The following GABRB3 variants were observed in gnomAD, a reference collection of about 807,000 sequenced individuals.
The protein encoded by GABRB3 is gamma-aminobutyric acid receptor subunit beta-3.
In GABRB3, 14 loss-of-function variants were observed where a neutral mutation model predicts 52.1. The ratio of observed to expected loss-of-function variants is 0.27; its 90% CI spans 0.18 to 0.42. The LOEUF is 0.42. Among genes scored for constraint, GABRB3 ranks in the 10% least tolerant of loss-of-function variants. The pLI, the probability that GABRB3 is intolerant of heterozygous loss-of-function variation, is 1.00. For synonymous variants in GABRB3, 260 were observed against 232.3 expected (o/e 1.12, Z -1.08); for missense variants, 307 against 609.1 (o/e 0.50, Z 5.22).
chr15:26,772,621 G>A, intron 2 of GABRB3, 60 bp downstream of exon 2: 1 of 1,464,128 alleles, frequency 6.8e-7, no homozygotes, highest in Non-Finnish European at 9.2e-7. Flanking sequence ...GCCTCCCTCC[G>A]CCCAGGCCGC....
chr15:26,572,906 G>A (rs1283679595), intron 6 of GABRB3, among the ~76,000 whole-genome samples: 3 of 152,246 alleles, frequency 2.0e-5, no homozygotes, highest in African/African-American at 7.2e-5. Context: ...TGCTGATCCC[G>A]GCCCTTTCTC....
At chr15:26,719,587 A>G (rs1266937687) in intron 3 of GABRB3, among the ~76,000 whole-genome samples, 1 of 152,232 alleles carries the variant, frequency 6.6e-6, no homozygotes, top group East Asian at 1.9e-4. Context: ...ATTTATTATC[A>G]TTCAAGCACA....
intron 3 of GABRB3, among the ~76,000 whole-genome samples, chr15:26,722,698 G>A (rs1018184884): frequency 3.3e-5 from 5 of 152,174 alleles, no homozygotes; most frequent in Non-Finnish European, 5.9e-5. Context: ...CATTCATTCA[G>A]GAATACCATG....
At chr15:26,765,153 C>T (rs1266741223) in intron 3 of GABRB3, among the ~76,000 whole-genome samples, 1 of 121,870 alleles carries the variant, frequency 8.2e-6, no homozygotes, top group Non-Finnish European at 1.7e-5. Flanking sequence ...AAAGTCAAAA[C>T]TTCCCTATAA....
At chr15:26,751,080 CA>C (rs1382273774) in intron 3 of GABRB3, among the ~76,000 whole-genome samples, 3 of 151,918 alleles carry the variant, frequency 2.0e-5, no homozygotes, top group African/African-American at 7.3e-5. Flanking sequence ...TTCCAGATAA[CA>C]AAAGATTGAA....
intron 4 of GABRB3, chr15:26,613,220 G>C (rs1175963463): frequency 6.6e-6 from 1 of 152,404 alleles, no homozygotes; most frequent in Non-Finnish European, 1.5e-5. Flanking sequence ...AGAGCAGCCT[G>C]GTCAACATAG....
At chr15:26,659,935 C>A (rs1265376872) in intron 3 of GABRB3, among the ~76,000 whole-genome samples, 1 of 152,028 alleles carries the variant, frequency 6.6e-6, no homozygotes, top group African/African-American at 2.4e-5. Flanking sequence ...GCCTGACCAT[C>A]AGAAGGGAAA....
chr15:26,619,649 C>T (rs1828414540), intron 4 of GABRB3, among the ~76,000 whole-genome samples: 1 of 150,236 alleles, frequency 6.7e-6, no homozygotes, highest in African/African-American at 2.5e-5. Context: ...GCACATGTAC[C>T]CTAAAACTTA....
intron 3 of GABRB3, among the ~76,000 whole-genome samples, chr15:26,659,692 A>G (rs1887479782): frequency 6.6e-6 from 1 of 152,200 alleles, no homozygotes; most frequent in Non-Finnish European, 1.5e-5. Context: ...AGGAAGATGG[A>G]AATGAGGAAG....
chr15:26,634,940 G>A (rs1383199518), intron 3 of GABRB3, among the ~76,000 whole-genome samples: 2 of 125,880 alleles, frequency 1.6e-5, no homozygotes, highest in Non-Finnish European at 3.3e-5. Context: ...AATCTCTAAA[G>A]ATTAGATAAC....
rs1218959912 is a variant in GABRB3, at chr15:26,554,021, T to TTA, written c.1081-5889_1081-5888dup. Among the ~76,000 whole-genome samples, 99 of 23,682 alleles carry TTA rather than the reference T, an allele frequency of 4.2e-3. 9 individuals carry two copies. Among genetic ancestry groups the TTA allele is most frequent in the East Asian group, 0.02 (59 of 2,980 alleles). 15.5% of individuals were successfully genotyped at this position (23,682 alleles called of 152,430 possible). A position where few individuals can be genotyped will look rare whatever the true frequency, so the allele number is the denominator to read the frequency against. On this transcript the variant is annotated intron_variant, in intron 8 of 8. Transcript: ENST00000311550. ...TCCCGAGTAGCTGACACCTGACTAT[T>TTA]TATATATATATATATTTATTTATTT... is the stretch of plus-strand genomic sequence containing the variant.
At chr15:26,574,249 AAGAC>A (rs1296899579) in intron 6 of GABRB3, among the ~76,000 whole-genome samples, 1 of 152,160 alleles carries the variant, frequency 6.6e-6, no homozygotes, top group Non-Finnish European at 1.5e-5. Flanking sequence ...CACAATAAAA[AAGAC>A]AGAAAATAAC....
At chr15:26,631,666 AG>A (rs1892916822) in intron 3 of GABRB3, among the ~76,000 whole-genome samples, 1 of 152,218 alleles carries the variant, frequency 6.6e-6, no homozygotes, top group Non-Finnish European at 1.5e-5. Flanking sequence ...CCTACAAGGA[AG>A]GTTAGGCTGA....
Position 26,772,780 on chromosome 15 carries a change from AG to A in GABRB3, c.81-9del. The A allele has an allele frequency of 6.8e-7, 1 of 1,473,376 alleles. No homozygotes were observed. Among genetic ancestry groups the A allele is most frequent in the Non-Finnish European group, 9.1e-7 (1 of 1,099,112 alleles). 91.3% of individuals were successfully genotyped at this position (1,473,376 alleles called of 1,614,324 possible). A position where few individuals can be genotyped will look rare whatever the true frequency, so the allele number is the denominator to read the frequency against. On this transcript the variant is annotated splice_polypyrimidine_tract_variant and intron_variant, in intron 1 of 8. Coordinates refer to ENST00000311550, the MANE Select transcript of GABRB3 (RefSeq NM_000814.6). ...TTCCCGGGATCGTTCACACTGGGGG[AG>A]GGACGGGGAGCACAAAGAGCGGGGT...
At chr15:26,646,184 G>T (rs1893343693) in intron 3 of GABRB3, among the ~76,000 whole-genome samples, 1 of 151,992 alleles carries the variant, frequency 6.6e-6, no homozygotes, top group Non-Finnish European at 1.5e-5. Flanking sequence ...CCTCACCCCA[G>T]AAATGAACCC....
chr15:26,549,160 TA>T (rs1180330517), intron 8 of GABRB3, among the ~76,000 whole-genome samples: 2 of 152,232 alleles, frequency 1.3e-5, no homozygotes, highest in African/African-American at 2.4e-5. Flanking sequence ...AAAACACAGT[TA>T]TTTTGTGTAG....
intron 3 of GABRB3, among the ~76,000 whole-genome samples, chr15:26,701,970 A>G (rs1201553292): frequency 6.6e-6 from 1 of 152,240 alleles, no homozygotes; most frequent in African/African-American, 2.4e-5. Context: ...AGTTAGTTCA[A>G]TGAAAAAGAA....
intron 3 of GABRB3, among the ~76,000 whole-genome samples, chr15:26,683,818 T>G (rs189268295): frequency 1.1e-4 from 17 of 151,980 alleles, no homozygotes; most frequent in Admixed American, 5.2e-4. Flanking sequence ...ACCTGGCTTG[T>G]GGAAAAGGAA....
chr15:26,670,129 C>T (rs1201083475), intron 3 of GABRB3, among the ~76,000 whole-genome samples: 1 of 152,184 alleles, frequency 6.6e-6, no homozygotes, highest in East Asian at 1.9e-4. Flanking sequence ...TCTCCCGGTG[C>T]GGGAGCCTAC....
Sources: allele counts gnomAD v4.1 joint callset (sites outside exome capture counted in the v4.1 genomes callset), GRCh38; gene constraint gnomAD v4.1.1; transcripts MANE v1.5; gene names NCBI Gene and HGNC (gene_info 2026-07-23, HGNC 2026-07-21).